ANKRD6: variants seen among roughly 807,000 people sequenced by gnomAD.
ANKRD6 encodes the protein ankyrin repeat domain-containing protein 6.
A neutral mutation model predicts 82.3 loss-of-function variants in ANKRD6; 56 were observed. The ratio of observed to expected loss-of-function variants is 0.68; its 90% CI spans 0.55 to 0.85. The LOEUF (loss-of-function observed/expected upper bound fraction) is 0.85. ANKRD6 is among the 40% of genes least tolerant of loss of function. ANKRD6 has a pLI of 0.00. For missense variants in ANKRD6, 852 were observed against 907.6 expected, an observed-to-expected ratio of 0.94 and a Z score of 0.79; for synonymous variants, 347 against 352.1, an observed-to-expected ratio of 0.99 and a Z score of 0.16.
intron 1 of ANKRD6, among the ~76,000 whole-genome samples, chr6:89,526,933 A>G (rs1361134601): frequency 6.6e-6 from 1 of 152,226 alleles, no homozygotes; most frequent in Non-Finnish European, 1.5e-5. Flanking sequence ...TCAGGCCCTC[A>G]GCAGGTTGGA....
At chr6:89,594,785 C>T (rs942141764) in intron 2 of ANKRD6, among the ~76,000 whole-genome samples, 1 of 152,118 alleles carries the variant, frequency 6.6e-6, no homozygotes, top group Non-Finnish European at 1.5e-5. Flanking sequence ...CTCTGTTGCC[C>T]AGGCTGAAGT....
At chr6:89,537,646 G>T (rs1783992405) in intron 1 of ANKRD6, among the ~76,000 whole-genome samples, 2 of 151,552 alleles carry the variant, frequency 1.3e-5, no homozygotes, top group Non-Finnish European at 2.9e-5. Context: ...TAGCAAGATG[G>T]CTCATGCCTG....
chr6:89,629,797 C>T (rs1314226200), intron 15 of ANKRD6, among the ~76,000 whole-genome samples: 1 of 152,170 alleles, frequency 6.6e-6, no homozygotes, highest in African/African-American at 2.4e-5. Flanking sequence ...GTAACTAGGC[C>T]TCAGTGGGGG....
intron 1 of ANKRD6, among the ~76,000 whole-genome samples, chr6:89,535,192 G>C (rs62415446): frequency 0.011 from 1,689 of 152,292 alleles, 14 homozygotes; most frequent in Non-Finnish European, 0.018. Flanking sequence ...CTTAATGTAA[G>C]TGCATCCTGA....
chr6:89,597,226 T>C (rs528518794), intron 3 of ANKRD6, among the ~76,000 whole-genome samples: 3 of 152,252 alleles, frequency 2.0e-5, no homozygotes, highest in Non-Finnish European at 1.5e-5. Flanking sequence ...AAAATGTTGA[T>C]TTAGCTTTAA....
At chr6:89,445,972 G>T (rs1772033448) in intron 1 of ANKRD6, among the ~76,000 whole-genome samples, 1 of 152,202 alleles carries the variant, frequency 6.6e-6, no homozygotes, top group Admixed American at 6.5e-5. Flanking sequence ...AGTGTTGTAT[G>T]TGTTCTGGCT....
rs760544278 is a variant in ANKRD6, at chr6:89,606,130, G to A, written c.417+25G>A. On this transcript the variant is annotated intron_variant, in intron 5 of 15. Transcript: ENST00000339746. ...GGTGAGGCCTGGCAGATGCTAGAATGCCTCATTCACAGGTGAGGATGGCTG... is the reference window on the plus strand; with the variant it reads ...GGTGAGGCCTGGCAGATGCTAGAATACCTCATTCACAGGTGAGGATGGCTG... 17 of 1,521,240 alleles carry A rather than the reference G, an allele frequency of 1.1e-5. No homozygotes were observed. The South Asian group carries it at 2.0e-4, about 18-fold the overall frequency. 94.2% of individuals were successfully genotyped at this position (1,521,240 alleles called of 1,614,324 possible).
In ANKRD6 at chr6:89,523,332, G is replaced by T. The variant is rs115119553; in HGVS notation, c.-143-43502G>T. 8.1e-4 allele frequency among the ~76,000 whole-genome samples: 124 copies of T among 152,320 alleles called. 1 individual carries two copies. Among genetic ancestry groups the T allele is most frequent in the African/African-American group, 2.9e-3 (121 of 41,574 alleles). ...CCAGCTCTTAGTGAATGAAAGGAGAGAATTTGCCTTCAAAGACTGTCATGC... is the reference window on the plus strand; with the variant it reads ...CCAGCTCTTAGTGAATGAAAGGAGATAATTTGCCTTCAAAGACTGTCATGC... On this transcript the variant is annotated intron_variant, in intron 1 of 15. Transcript: ENST00000339746.
chr6:89,466,438 A>T (rs747160619), intron 1 of ANKRD6, among the ~76,000 whole-genome samples: 1 of 152,208 alleles, frequency 6.6e-6, no homozygotes, highest in African/African-American at 2.4e-5. Flanking sequence ...CCAGCAATAC[A>T]TGAGAATTTG....
intron 1 of ANKRD6, among the ~76,000 whole-genome samples, chr6:89,457,374 G>C (rs548885514): frequency 6.6e-6 from 1 of 152,166 alleles, no homozygotes; most frequent in Non-Finnish European, 1.5e-5. Flanking sequence ...GTGGTAAAAA[G>C]TGTCTTATTT....
intron 1 of ANKRD6, among the ~76,000 whole-genome samples, chr6:89,517,148 G>T (rs1386672106): frequency 8.5e-5 from 13 of 152,190 alleles, no homozygotes; most frequent in Admixed American, 8.5e-4. Context: ...TGTGTTACAG[G>T]CGTAAGCCAC....
intron 1 of ANKRD6, among the ~76,000 whole-genome samples, chr6:89,541,172 G>A (rs1784408546): frequency 6.6e-6 from 1 of 151,806 alleles, no homozygotes; most frequent in African/African-American, 2.4e-5. Flanking sequence ...GAACGTCATT[G>A]GTATTTTGAT....
Position 89,630,733 on chromosome 6 carries a change from C to T in ANKRD6, c.1913C>T (p.Ala638Val), listed in dbSNP as rs1807221124. ...AGGCATCGTGCCCAGCAACCCGCAG[C>T]CAGCAGCACCTGTGGGCAGCCGCCA... Reference protein sequence around the residue: ...PTRHRAQQPAASSTCGQPPPA... With the variant: ...PTRHRAQQPAVSSTCGQPPPA... The change falls in exon 16 of 16, where the codon GCC (alanine) becomes GTC (valine). Residue 638 changes from alanine (A) to valine (V), a missense_variant. By Grantham distance (64) the Ala-to-Val change is moderately conservative. Coordinates refer to ENST00000339746, the MANE Select transcript of ANKRD6 (RefSeq NM_001242809.2). 3 of 1,613,892 alleles carry T rather than the reference C, an allele frequency of 1.9e-6. No homozygotes were observed. In the South Asian group the frequency reaches 3.3e-5, roughly 18 times the overall value.
intron 1 of ANKRD6, among the ~76,000 whole-genome samples, chr6:89,434,086 G>A (rs375760740): frequency 1.3e-5 from 2 of 152,232 alleles, no homozygotes; most frequent in African/African-American, 4.8e-5. Context: ...CCGCGAGGTA[G>A]CATGAGATGG....
rs142948341 is a variant in ANKRD6, at chr6:89,547,104, G to A, written c.-143-19730G>A. Among the ~76,000 whole-genome samples the A allele has an allele frequency of 1.3e-3, 192 of 152,216 alleles. 1 individual carries two copies. Among genetic ancestry groups the A allele is most frequent in the Middle Eastern group, 3.4e-3 (1 of 294 alleles). The stretch of plus-strand genomic sequence containing the variant: ...GCCTCCCAAAGTGCTGGGATTACAG[G>A]TGCATACCATTGTGCCTGGCCTTAA... On this transcript the variant is annotated intron_variant, in intron 1 of 15. Coordinates refer to ENST00000339746, the MANE Select transcript of ANKRD6 (RefSeq NM_001242809.2).
At chr6:89,468,578 A>C (rs1317952322) in intron 1 of ANKRD6, among the ~76,000 whole-genome samples, 1 of 147,504 alleles carries the variant, frequency 6.8e-6, no homozygotes, top group African/African-American at 2.5e-5. Context: ...ATATGCTAAC[A>C]CTAATGATAG....
At chr6:89,513,231 C>A (rs1583017899) in intron 1 of ANKRD6, among the ~76,000 whole-genome samples, 1 of 152,130 alleles carries the variant, frequency 6.6e-6, no homozygotes, top group Non-Finnish European at 1.5e-5. Flanking sequence ...TTTTAACTTT[C>A]AATTAAAATA....
chr6:89,458,906 C>G (rs1346086959), intron 1 of ANKRD6, among the ~76,000 whole-genome samples: 1 of 152,160 alleles, frequency 6.6e-6, no homozygotes, highest in Admixed American at 6.6e-5. Context: ...TCTTGGGGTT[C>G]AGCACCATGG....
intron 7 of ANKRD6, among the ~76,000 whole-genome samples, chr6:89,615,486 A>G (rs987529134): frequency 6.6e-6 from 1 of 152,184 alleles, no homozygotes; most frequent in Non-Finnish European, 1.5e-5. Context: ...AGAGCTTTAA[A>G]AAGTCCCCCT....
Sources: gnomAD v4.1 joint callset for allele counts (sites outside exome capture counted in the v4.1 genomes callset) on GRCh38, gnomAD v4.1.1 for gene constraint, MANE v1.5 for transcripts, NCBI Gene and HGNC (gene_info 2026-07-23, HGNC 2026-07-21) for gene names.